The following ZSCAN5A variants were observed in gnomAD, a reference collection of about 807,000 sequenced individuals.
The protein encoded by ZSCAN5A is zinc finger and SCAN domain-containing protein 5A.
In ZSCAN5A, 12 loss-of-function variants were observed where a neutral mutation model predicts 23.7. The observed-to-expected ratio is 0.51, with a 90% CI of 0.32 to 0.82. The LOEUF (loss-of-function observed/expected upper bound fraction) is 0.82. ZSCAN5A is among the 40% of genes least tolerant of loss of function. ZSCAN5A has a pLI of 0.03. For synonymous variants in ZSCAN5A, 257 were observed against 239.9 expected (o/e 1.07, Z -0.66); for missense variants, 597 against 617.9 (o/e 0.97, Z 0.36).
chr19:56,286,197 T>C (rs2039108345), intron 2 of ZSCAN5A, among the ~76,000 whole-genome samples: 1 of 151,776 alleles, frequency 6.6e-6, no homozygotes, highest in South Asian at 2.1e-4. Context: ...AATTTTTGTA[T>C]TATTAGTAGA....
intron 2 of ZSCAN5A, among the ~76,000 whole-genome samples, chr19:56,307,891 C>G (rs1462628606): frequency 6.6e-6 from 1 of 152,204 alleles, no homozygotes; most frequent in East Asian, 1.9e-4. Flanking sequence ...TTTCAGGGAA[C>G]CTGGCAGGAA....
chr19:56,344,364 A>G (rs2041615675), intron 2 of ZSCAN5A, among the ~76,000 whole-genome samples: 1 of 152,242 alleles, frequency 6.6e-6, no homozygotes, highest in South Asian at 2.1e-4. Flanking sequence ...ATTAAAGATT[A>G]CACAAGCAAA....
intron 2 of ZSCAN5A, among the ~76,000 whole-genome samples, chr19:56,344,974 A>G (rs1213779031): frequency 7.1e-6 from 1 of 141,290 alleles, no homozygotes; most frequent in Non-Finnish European, 1.6e-5. Flanking sequence ...GCGTGTTGGC[A>G]GGCACCTGTA....
chr19:56,326,575 C>T (rs2041436405), intron 2 of ZSCAN5A, among the ~76,000 whole-genome samples: 1 of 152,092 alleles, frequency 6.6e-6, no homozygotes, highest in African/African-American at 2.4e-5. Context: ...GGGAATCACG[C>T]AGTATGTGGC....
At chr19:56,309,061 T>C (rs1402760689) in intron 2 of ZSCAN5A, among the ~76,000 whole-genome samples, 1 of 152,214 alleles carries the variant, frequency 6.6e-6, no homozygotes, top group Non-Finnish European at 1.5e-5. Context: ...ACCCAACAAC[T>C]GATGAAAGGA....
chr19:56,281,036 T>C (rs929041917), intron 2 of ZSCAN5A, among the ~76,000 whole-genome samples: 3 of 152,214 alleles, frequency 2.0e-5, no homozygotes, highest in African/African-American at 7.2e-5. Context: ...CCAGAAGACT[T>C]ACTAATAACA....
intron 2 of ZSCAN5A, among the ~76,000 whole-genome samples, chr19:56,271,248 A>T (rs2037827536): frequency 1.3e-5 from 2 of 152,192 alleles, no homozygotes; most frequent in Non-Finnish European, 2.9e-5. Flanking sequence ...CCAACCAGGC[A>T]CTCTTGAAGC....
At chr19:56,254,302 T>C (rs897732575) in intron 2 of ZSCAN5A, among the ~76,000 whole-genome samples, 3 of 152,206 alleles carry the variant, frequency 2.0e-5, no homozygotes, top group African/African-American at 7.2e-5. Context: ...TTTTATTTAT[T>C]ATACAATTTC....
intron 2 of ZSCAN5A, among the ~76,000 whole-genome samples, chr19:56,230,629 G>A (rs763644991): frequency 0.014 from 754 of 52,376 alleles, 4 homozygotes; most frequent in Middle Eastern, 0.07. Context: ...GTGTGTGTGT[G>A]TGTGTGTGTG....
chr19:56,322,892 CTTTTTTTTTTTT>C (rs397859568), intron 2 of ZSCAN5A, among the ~76,000 whole-genome samples: 1 of 126,806 alleles, frequency 7.9e-6, no homozygotes, highest in Non-Finnish European at 1.6e-5. Flanking sequence ...TTATTGGTTT[CTTTTTTTTTTTT>C]TTTTTTTTGA....
At chr19:56,363,146 C>T (rs1431865667) in intron 2 of ZSCAN5A, 3 of 152,094 alleles carry the variant, frequency 2.0e-5, no homozygotes, top group African/African-American at 7.2e-5. Flanking sequence ...CTCTAGTTTT[C>T]AGGTGAGGGA....
intron 2 of ZSCAN5A, among the ~76,000 whole-genome samples, chr19:56,250,169 G>C (rs2146728312): frequency 6.6e-6 from 1 of 152,294 alleles, no homozygotes; most frequent in East Asian, 1.9e-4. Context: ...TGGATTTAAG[G>C]CTGGCTGCTC....
At chr19:56,257,441 G>A (rs1205302421) in intron 2 of ZSCAN5A, among the ~76,000 whole-genome samples, 8 of 152,160 alleles carry the variant, frequency 5.3e-5, no homozygotes, top group Admixed American at 1.3e-4. Flanking sequence ...GTACTAAACA[G>A]ACCATTGGTA....
intron 2 of ZSCAN5A, among the ~76,000 whole-genome samples, chr19:56,267,993 A>C (rs2037590750): frequency 6.6e-6 from 1 of 152,210 alleles, no homozygotes; most frequent in African/African-American, 2.4e-5. Flanking sequence ...CTATGATTTC[A>C]GAGCCTGGCT....
Position 56,221,465 on chromosome 19 carries a change from T to A in ZSCAN5A, c.*110A>T. On this transcript the variant is annotated 3_prime_UTR_variant, in exon 6 of 6. Transcript: ENST00000683990. ...TCCTGGCAATTCATATCTAGGGCAC[T>A]CCCTCTGTGTGTCAGACGCCCTTGC... The A allele has an allele frequency of 7.4e-7, 1 of 1,359,598 alleles. No individual in the cohort carries two copies. Among genetic ancestry groups the A allele is most frequent in the South Asian group, 1.5e-5 (1 of 65,192 alleles). The allele number at this position is 1,359,598 out of a possible 1,614,324, so 84.2% of individuals were successfully genotyped here.
intron 2 of ZSCAN5A, among the ~76,000 whole-genome samples, chr19:56,341,575 T>C (rs113640728): frequency 1.2e-4 from 19 of 152,234 alleles, no homozygotes; most frequent in African/African-American, 4.6e-4. Context: ...TGTAACTCAA[T>C]GTCACAAGGA....
rs531507695 is a variant in ZSCAN5A at position 56,346,567 on chromosome 19, T to G, written c.-358+16668A>C. ...AAAAAGAACCCACAAAAACCAGAGTTGTACAGCAAAATAAACTTTAGATAT... is the reference window on the plus strand; with the variant it reads ...AAAAAGAACCCACAAAAACCAGAGTGGTACAGCAAAATAAACTTTAGATAT... On this transcript the variant is annotated intron_variant, in intron 2 of 6. Transcript: ENST00000587340. Among the ~76,000 whole-genome samples, 4 of 151,564 alleles carry G rather than the reference T, an allele frequency of 2.6e-5. No homozygotes were observed. The South Asian group carries it at 6.3e-4, about 24-fold the overall frequency.
intron 2 of ZSCAN5A, among the ~76,000 whole-genome samples, chr19:56,298,634 A>G (rs2040033950): frequency 7.0e-6 from 1 of 143,234 alleles, no homozygotes; most frequent in African/African-American, 2.7e-5. Context: ...GACTGGCAAC[A>G]GAGCAAGACT....
At chr19:56,246,456 AAACGGTCCTAG>A in intron 2 of ZSCAN5A, 2 of 587,726 alleles carry the variant, frequency 3.4e-6, no homozygotes, top group Non-Finnish European at 6.1e-6. Context: ...CTCAGCTTCC[AAACGGTCCTAG>A]TGAGTATGAA....
Sources: allele counts gnomAD v4.1 joint callset (sites outside exome capture counted in the v4.1 genomes callset), GRCh38; gene constraint gnomAD v4.1.1; transcripts MANE v1.5; gene names NCBI Gene and HGNC (gene_info 2026-07-23, HGNC 2026-07-21).